The following MTA3 variants were observed in gnomAD, a reference collection of about 807,000 sequenced individuals.
MTA3 encodes metastasis-associated protein MTA3.
MTA3 carries 34 observed loss-of-function variants against 83.5 expected under a neutral mutation model. That is an observed-to-expected ratio of 0.41 (90% CI 0.31 to 0.54). MTA3 has a LOEUF of 0.54. MTA3 is among the 20% of genes least tolerant of loss of function. MTA3 has a pLI of 0.33. For missense variants in MTA3, 761 were observed against 726.4 expected (o/e 1.05, Z -0.55); for synonymous variants, 303 against 252.7 (o/e 1.20, Z -1.89).
intron 2 of MTA3, among the ~76,000 whole-genome samples, chr2:42,537,587 A>G (rs1676305224): frequency 6.6e-6 from 1 of 152,050 alleles, no homozygotes; most frequent in Admixed American, 6.6e-5. Flanking sequence ...TAAATAAACA[A>G]AATAAAATAA....
chr2:42,549,266 G>T (rs925337224), intron 2 of MTA3, among the ~76,000 whole-genome samples: 1 of 111,456 alleles, frequency 9.0e-6, no homozygotes, highest in Admixed American at 1.1e-4. Context: ...TATTATATAC[G>T]TGTACGTATA....
chr2:42,596,605 A>G (rs1214992661), intron 3 of MTA3, among the ~76,000 whole-genome samples: 2 of 152,158 alleles, frequency 1.3e-5, no homozygotes, highest in Admixed American at 6.6e-5. Context: ...AATGGTTTAT[A>G]TTTTTTGTGA....
chr2:42,752,356 C>T, intron 16 of MTA3: 2 of 457,994 alleles, frequency 4.4e-6, no homozygotes, highest in South Asian at 3.1e-5. Flanking sequence ...GTGCCTGGGG[C>T]AGAGAATATC....
chr2:42,619,865 GC>G (rs1357032790), intron 4 of MTA3, among the ~76,000 whole-genome samples: 2 of 152,050 alleles, frequency 1.3e-5, no homozygotes, highest in East Asian at 3.8e-4. Flanking sequence ...GTGGTACCAG[GC>G]CGAGCTAGTT....
rs1000121895 is a variant in MTA3, at chr2:42,741,933, T to C, written c.1760-11441T>C. 2.0e-5 allele frequency among the ~76,000 whole-genome samples: 3 copies of C among 152,012 alleles called. No individual in the cohort carries two copies. In the East Asian group the frequency reaches 5.8e-4, roughly 29 times the overall value. On this transcript the variant is annotated intron_variant, in intron 16 of 16. Coordinates refer to ENST00000405094, the MANE Select transcript of MTA3 (RefSeq NM_001330442.2). ...GTCAATAGACTTGTTTAATGCAGAG[T>C]TGCCAACAAAGCTTCAATTTTTAAA...
chr2:42,648,251 A>G (rs1002427551), intron 6 of MTA3, among the ~76,000 whole-genome samples: 1 of 152,016 alleles, frequency 6.6e-6, no homozygotes, highest in Non-Finnish European at 1.5e-5. Flanking sequence ...CATCACAGAA[A>G]CTCCCATATG....
intron 8 of MTA3, among the ~76,000 whole-genome samples, chr2:42,670,347 C>T (rs1364650185): frequency 6.6e-6 from 1 of 151,958 alleles, no homozygotes; most frequent in Non-Finnish European, 1.5e-5. Flanking sequence ...CATCCAGATT[C>T]CCCAGTTGTT....
chr2:42,573,139 T>C (rs2103842185), intron 2 of MTA3, among the ~76,000 whole-genome samples: 1 of 152,360 alleles, frequency 6.6e-6, no homozygotes, highest in East Asian at 1.9e-4. Context: ...TCCTCCAGAC[T>C]TCTCTGAGGG....
At position 42,755,471 on chromosome 2, in the gene MTA3, A is replaced by T; in HGVS notation, c.*2072A>T. 1 of 985,486 alleles carries T rather than the reference A, an allele frequency of 1.0e-6. No individual in the cohort carries two copies. Among genetic ancestry groups the T allele is most frequent in the Non-Finnish European group, 1.2e-6 (1 of 829,972 alleles). The allele number at this position is 985,486 out of a possible 1,614,324, so 61.0% of individuals were successfully genotyped here. A position where few individuals can be genotyped will look rare whatever the true frequency, so the allele number is the denominator to read the frequency against. On this transcript the variant is annotated 3_prime_UTR_variant, in exon 17 of 17. Transcript: ENST00000405094. ...TGACATTTGGCTTTGGGAAAAGCGC[A>T]GCTTGTTCGAGCCACGTGTGCCAAG... is the stretch of plus-strand genomic sequence containing the variant.
chr2:42,560,569 AC>A (rs980099641), intron 2 of MTA3, among the ~76,000 whole-genome samples: 5 of 151,090 alleles, frequency 3.3e-5, no homozygotes, highest in African/African-American at 4.9e-5. Context: ...AAAACAAAAA[AC>A]AACAAAACAA....
At chr2:42,748,976 C>T (rs1313962563) in intron 16 of MTA3, among the ~76,000 whole-genome samples, 2 of 152,194 alleles carry the variant, frequency 1.3e-5, no homozygotes, top group African/African-American at 4.8e-5. Flanking sequence ...GTTTACCAGG[C>T]CCCTTTAACT....
At chr2:42,549,466 T>C (rs1676987212) in intron 2 of MTA3, among the ~76,000 whole-genome samples, 1 of 91,304 alleles carries the variant, frequency 1.1e-5, no homozygotes, top group Non-Finnish European at 1.9e-5. Flanking sequence ...TATATATACA[T>C]ATTATATATT....
intron 3 of MTA3, among the ~76,000 whole-genome samples, chr2:42,604,825 C>T (rs1476516182): frequency 1.3e-5 from 2 of 149,324 alleles, no homozygotes; most frequent in Admixed American, 1.3e-4. Context: ...TTTAACAAAG[C>T]ACATATTGCA....
intron 3 of MTA3, among the ~76,000 whole-genome samples, chr2:42,605,193 G>A (rs1406577294): frequency 2.1e-5 from 3 of 144,874 alleles, no homozygotes; most frequent in Admixed American, 6.8e-5. Context: ...CCCGGACGGG[G>A]CGGCTGGCCG....
intron 9 of MTA3, 76 bp downstream of exon 9, chr2:42,682,665 G>T: frequency 7.6e-7 from 1 of 1,322,630 alleles, no homozygotes; most frequent in Non-Finnish European, 1.0e-6. Context: ...AAACCTTACA[G>T]TATTCATTTA....
At chr2:42,670,990 A>C (rs1028410368) in intron 8 of MTA3, among the ~76,000 whole-genome samples, 6 of 152,034 alleles carry the variant, frequency 3.9e-5, no homozygotes, top group Non-Finnish European at 5.9e-5. Flanking sequence ...AAAAGAAAAA[A>C]AAAATTCTGG....
rs962867003 is a variant in MTA3 at position 42,592,412 on chromosome 2, C to T, written c.190+13212C>T. 1.8e-4 allele frequency among the ~76,000 whole-genome samples: 27 copies of T among 151,942 alleles called. 1 individual carries two copies. Among genetic ancestry groups the T allele is most frequent in the Non-Finnish European group, 7.4e-5 (5 of 67,998 alleles). ...CAGCTTGAGCAACATAACAAGACTC[C>T]GTCTCTACAAAATATTTAAAAATTA... is the stretch of plus-strand genomic sequence containing the variant. On this transcript the variant is annotated intron_variant, in intron 3 of 16. Transcript: ENST00000405094.
At chr2:42,649,359 G>A (rs983605557) in intron 6 of MTA3, among the ~76,000 whole-genome samples, 2 of 151,548 alleles carry the variant, frequency 1.3e-5, no homozygotes, top group Non-Finnish European at 2.9e-5. Context: ...GTTGCAGTGA[G>A]CCAAGATCGT....
chr2:42,538,930 G>A (rs1157012595), intron 2 of MTA3, among the ~76,000 whole-genome samples: 5 of 148,714 alleles, frequency 3.4e-5, no homozygotes, highest in African/African-American at 2.5e-5. Flanking sequence ...GCCCGCCACC[G>A]TGCCCGGCTA....
Sources: gnomAD v4.1 joint callset for allele counts (sites outside exome capture counted in the v4.1 genomes callset) on GRCh38, gnomAD v4.1.1 for gene constraint, MANE v1.5 for transcripts, NCBI Gene and HGNC (gene_info 2026-07-23, HGNC 2026-07-21) for gene names.